Variants in GATAD2B observed in about 807,000 individuals in gnomAD.
GATAD2B encodes the protein GATA zinc finger domain containing 2B, also known as transcriptional repressor p66-beta.
In GATAD2B, 8 loss-of-function variants were observed where a neutral mutation model predicts 64.3. The observed-to-expected ratio is 0.12, with a 90% CI of 0.07 to 0.22. The LOEUF is 0.22. GATAD2B is among the 10% of genes least tolerant of loss of function. The pLI, the probability that GATAD2B is intolerant of heterozygous loss-of-function variation, is 1.00. For missense variants in GATAD2B, 453 were observed against 752.0 expected, an observed-to-expected ratio of 0.60 and a Z score of 4.65; for synonymous variants, 281 against 271.3, an observed-to-expected ratio of 1.04 and a Z score of -0.35.
At chr1:153,811,535 C>T in intron 10 of GATAD2B, 196 bp downstream of exon 10, 2 of 655,452 alleles carry the variant, frequency 3.1e-6, no homozygotes, top group Non-Finnish European at 5.4e-6. Context: ...ATTTTCACCA[C>T]CAAAACCCTA....
intron 1 of GATAD2B, among the ~76,000 whole-genome samples, chr1:153,919,197 C>T (rs1200809830): frequency 6.6e-6 from 1 of 152,180 alleles, no homozygotes; most frequent in Non-Finnish European, 1.5e-5. Context: ...TAATCTGCTG[C>T]TTTTTGTACT....
intron 1 of GATAD2B, among the ~76,000 whole-genome samples, chr1:153,850,104 G>T (rs1675836189): frequency 6.6e-6 from 1 of 152,080 alleles, no homozygotes; most frequent in African/African-American, 2.4e-5. Context: ...TATTCAGTGG[G>T]ATTTTATCTG....
rs71093301 is a variant in GATAD2B, at chr1:153,904,279, C to CAAATAAATAAAT, written c.-2+18442_-2+18453dup. 2.0e-3 allele frequency among the ~76,000 whole-genome samples: 301 copies of CAAATAAATAAAT among 147,342 alleles called. 2 individuals carry two copies. The highest frequency in any genetic ancestry group is 6.9e-3 in the African/African-American group (272 of 39,464). The stretch of plus-strand genomic sequence containing the variant: ...TGGGTGAAACACTGAAACTCCATCT[C>CAAATAAATAAAT]AAATAAATAAATAAATAAATAAATA... On this transcript the variant is annotated intron_variant, in intron 1 of 10. Transcript: ENST00000368655.
At chr1:153,902,387 T>A (rs1677806707) in intron 1 of GATAD2B, among the ~76,000 whole-genome samples, 1 of 152,224 alleles carries the variant, frequency 6.6e-6, no homozygotes, top group Non-Finnish European at 1.5e-5. Flanking sequence ...AATTCCTACT[T>A]AAGGGGTACT....
chr1:153,893,514 T>A (rs921966568), intron 1 of GATAD2B, among the ~76,000 whole-genome samples: 1 of 150,856 alleles, frequency 6.6e-6, no homozygotes, highest in African/African-American at 2.4e-5. Flanking sequence ...GAGGCTGAAG[T>A]GGGAGGATTG....
chr1:153,827,238 C>A (rs1190919838), intron 2 of GATAD2B, among the ~76,000 whole-genome samples: 1 of 143,584 alleles, frequency 7.0e-6, no homozygotes, highest in East Asian at 2.0e-4. Flanking sequence ...AGAGCGAGAC[C>A]TTGCCTCAAA....
chr1:153,875,184 A>G (rs1298448351), intron 1 of GATAD2B, among the ~76,000 whole-genome samples: 6 of 152,096 alleles, frequency 3.9e-5, no homozygotes, highest in Non-Finnish European at 7.4e-5. Flanking sequence ...AGCCAAATTT[A>G]GTCTCATTAT....
At chr1:153,881,872 GCT>G (rs1465109907) in intron 1 of GATAD2B, among the ~76,000 whole-genome samples, 1 of 151,970 alleles carries the variant, frequency 6.6e-6, no homozygotes, top group Non-Finnish European at 1.5e-5. Flanking sequence ...CGTAAGAGAA[GCT>G]CTTTCTGTAG....
chr1:153,885,573 C>G (rs979716108), intron 1 of GATAD2B, among the ~76,000 whole-genome samples: 5 of 151,642 alleles, frequency 3.3e-5, no homozygotes, highest in African/African-American at 1.2e-4. Flanking sequence ...AATACAAAAA[C>G]TAGCTGAGTG....
At position 153,817,375 on chromosome 1, in the gene GATAD2B, T is replaced by C. The variant is rs766975833; in HGVS notation, c.897A>G (p.Gln299=). 6.4e-7 allele frequency: 1 copy of C among 1,563,408 alleles called. No homozygotes were observed. The highest frequency in any genetic ancestry group is 1.2e-5 in the South Asian group (1 of 82,802). The part of the protein sequence containing the change: ...TPNMNPAINY[Q]PQSSSSVPCQ... ...TTAGGGCTCAGCTCTCTCTTACCGGTTGATAATTGATGGCGGGATTCATGT... is the reference window on the plus strand; with the variant it reads ...TTAGGGCTCAGCTCTCTCTTACCGGCTGATAATTGATGGCGGGATTCATGT... The change falls in exon 6 of 11, where the codon CAA becomes CAG. Residue 299 remains glutamine (Q), a synonymous_variant. Transcript: ENST00000368655.
At chr1:153,893,085 G>A (rs1677471971) in intron 1 of GATAD2B, among the ~76,000 whole-genome samples, 2 of 152,132 alleles carry the variant, frequency 1.3e-5, no homozygotes, top group South Asian at 4.1e-4. Flanking sequence ...CAGTACAAGA[G>A]GAAAAACTTG....
At chr1:153,830,766 C>T (rs946915761) in intron 1 of GATAD2B, among the ~76,000 whole-genome samples, 20 of 151,806 alleles carry the variant, frequency 1.3e-4, no homozygotes, top group East Asian at 5.8e-4. Flanking sequence ...TGAGCCACCG[C>T]GCCCGGCCTT....
chr1:153,915,706 T>C (rs562268065), intron 1 of GATAD2B, among the ~76,000 whole-genome samples: 194 of 132,000 alleles, frequency 1.5e-3, no homozygotes, highest in Non-Finnish European at 2.4e-3. Context: ...CTGTGCTCCA[T>C]GGAGCCTGGG....
chr1:153,852,800 C>T, intron 1 of GATAD2B: 1 of 912,350 alleles, frequency 1.1e-6, no homozygotes, highest in Non-Finnish European at 1.8e-6. Flanking sequence ...TGAACCATAT[C>T]ATATCCTTCA....
At chr1:153,848,926 C>G (rs1389475820) in intron 1 of GATAD2B, among the ~76,000 whole-genome samples, 1 of 152,036 alleles carries the variant, frequency 6.6e-6, no homozygotes, top group African/African-American at 2.4e-5. Context: ...GCACTCTGGC[C>G]TGGGCAACAG....
rs759245034 is a variant in GATAD2B at position 153,914,227 on chromosome 1, CA to C, written c.-2+8505del. ...CATTGCACTCCAGCCCCCAGACTCT[CA>C]AAAAAAAAAAAAAAAAAAAAAAAAG... is the stretch of plus-strand genomic sequence containing the variant. On this transcript the variant is annotated intron_variant, in intron 1 of 10. Coordinates refer to ENST00000368655, the MANE Select transcript of GATAD2B (RefSeq NM_020699.4). 6.9e-3 allele frequency among the ~76,000 whole-genome samples: 457 copies of C among 65,884 alleles called. 1 individual carries two copies. Among genetic ancestry groups the C allele is most frequent in the African/African-American group, 0.022 (371 of 16,494 alleles). The allele number at this position is 65,884 out of a possible 152,430, so 43.2% of individuals were successfully genotyped here.
In GATAD2B at chr1:153,806,916, G is replaced by A. The variant is rs1434539756; in HGVS notation, c.*3261C>T. The stretch of plus-strand genomic sequence containing the variant: ...AATTCCTTTTAAAGGGGAAAGGAAA[G>A]GTAACCAAAGCAGGAAAACATTTAT... On this transcript the variant is annotated 3_prime_UTR_variant, in exon 11 of 11. Transcript: ENST00000368655. 6.6e-6 allele frequency: 1 copy of A among 152,002 alleles called. No homozygotes were observed. The highest frequency in any genetic ancestry group is 1.5e-5 in the Non-Finnish European group (1 of 67,978). 9.4% of individuals were successfully genotyped at this position (152,002 alleles called of 1,614,324 possible). A position where few individuals can be genotyped will look rare whatever the true frequency, so the allele number is the denominator to read the frequency against.
In GATAD2B at chr1:153,817,560, G is replaced by T. The variant is rs1184130031; in HGVS notation, c.730-18C>A. 9.6e-6 allele frequency: 15 copies of T among 1,564,934 alleles called. No homozygotes were observed. Among genetic ancestry groups the T allele is most frequent in the Non-Finnish European group, 1.2e-5 (14 of 1,155,848 alleles). ...CTGTGACCCTGGAGGGGAAGAAGAG[G>T]AAAAGAACTAATCACAGGTTGTACG... On this transcript the variant is annotated intron_variant, in intron 5 of 10. Coordinates refer to ENST00000368655, the MANE Select transcript of GATAD2B (RefSeq NM_020699.4).
intron 5 of GATAD2B, 102 bp from the exon 6 acceptor site, chr1:153,817,644 A>C (rs921418475): frequency 1.4e-6 from 1 of 728,996 alleles, no homozygotes; most frequent in Admixed American, 3.6e-5. Context: ...TACATAGCTA[A>C]GTAGAAACAC....
Sources: allele counts gnomAD v4.1 joint callset (sites outside exome capture counted in the v4.1 genomes callset), GRCh38; gene constraint gnomAD v4.1.1; transcripts MANE v1.5; gene names NCBI Gene and HGNC (gene_info 2026-07-23, HGNC 2026-07-21).